Variants in UBR3 observed in about 807,000 individuals in gnomAD.
UBR3 encodes the protein E3 ubiquitin-protein ligase UBR3.
Under a neutral mutation model 243.2 loss-of-function variants are expected in UBR3, and 85 were observed. The ratio of observed to expected loss-of-function variants is 0.35; its 90% confidence interval spans 0.29 to 0.42. The LOEUF is 0.42. Ranked by LOEUF, UBR3 falls within the 10% of genes least tolerant of loss-of-function variation. The pLI is 1.00. For missense variants in UBR3, 1,686 were observed against 2,300.8 expected (o/e 0.73, Z 5.47); for synonymous variants, 748 against 799.8 (o/e 0.94, Z 1.09).
chr2:170,079,250 T>A (rs769964474), intron 36 of UBR3, among the ~76,000 whole-genome samples: 6 of 152,156 alleles, frequency 3.9e-5, no homozygotes, highest in Non-Finnish European at 8.8e-5. Context: ...AGCAAGACAT[T>A]TATGAAAAGA....
Position 169,970,235 on chromosome 2 carries a change from GTT to G in UBR3, c.3634+11727_3634+11728del, listed in dbSNP as rs531832498. Among the ~76,000 whole-genome samples the G allele has an allele frequency of 7.9e-3, 679 of 85,566 alleles. 5 individuals are homozygous for G. Among genetic ancestry groups the G allele is most frequent in the African/African-American group, 0.03 (631 of 20,926 alleles). 56.1% of individuals were successfully genotyped at this position (85,566 alleles called of 152,430 possible). On this transcript the variant is annotated intron_variant, in intron 24 of 38. Transcript: ENST00000272793. ...CCTCCTTGGTTAAACTTGTTCCTAG[GTT>G]TTTTTTTTTTTTTTTTTGTAGCTGT... is the stretch of plus-strand genomic sequence containing the variant.
chr2:170,025,051 A>G (rs950861058), intron 30 of UBR3, among the ~76,000 whole-genome samples: 5 of 152,118 alleles, frequency 3.3e-5, no homozygotes, highest in African/African-American at 1.2e-4. Context: ...AGAAAGGGAA[A>G]AGTAGAAAAC....
chr2:170,071,788 G>T (rs914285713), intron 35 of UBR3, among the ~76,000 whole-genome samples: 1 of 152,100 alleles, frequency 6.6e-6, no homozygotes, highest in Non-Finnish European at 1.5e-5. Context: ...TGCATAATTA[G>T]TTTTGCAGAC....
In UBR3 at chr2:169,950,055, AAAG is replaced by A; in HGVS notation, c.3541_3543del (p.Glu1181del). On this transcript the variant is annotated inframe_deletion, in exon 23 of 39. Coordinates refer to ENST00000272793, the MANE Select transcript of UBR3 (RefSeq NM_172070.4). The stretch of plus-strand genomic sequence containing the variant: ...TGCAGCAGAGAAGAAAACATTGGAC[AAAG>A]AAGAAAGGTAATTTTTATTTTTAAT... The A allele has an allele frequency of 6.5e-7, 1 of 1,549,032 alleles. No individual in the cohort carries two copies. The highest frequency in any genetic ancestry group is 8.7e-7 in the Non-Finnish European group (1 of 1,152,410).
At chr2:170,001,261 C>T in intron 26 of UBR3, 43 bp from the exon 27 acceptor site, 3 of 1,376,884 alleles carry the variant, frequency 2.2e-6, no homozygotes, top group Non-Finnish European at 3.1e-6. Flanking sequence ...TATGTTTGTA[C>T]TTCTTTAAAA....
intron 24 of UBR3, among the ~76,000 whole-genome samples, chr2:169,965,252 A>T (rs1024904540): frequency 1.1e-4 from 17 of 152,168 alleles, no homozygotes; most frequent in African/African-American, 4.1e-4. Context: ...AGTAGTATTA[A>T]TACTTGGCAG....
intron 24 of UBR3, among the ~76,000 whole-genome samples, chr2:169,970,427 A>C (rs1574310904): frequency 8.1e-6 from 1 of 124,200 alleles, no homozygotes; most frequent in African/African-American, 3.1e-5. Flanking sequence ...GCACCCACTA[A>C]CTCGTCATCT....
intron 35 of UBR3, among the ~76,000 whole-genome samples, chr2:170,069,352 A>T (rs1470497054): frequency 6.6e-6 from 1 of 152,126 alleles, no homozygotes; most frequent in African/African-American, 2.4e-5. Flanking sequence ...ATAGTATACA[A>T]TATGTAATGT....
intron 6 of UBR3, among the ~76,000 whole-genome samples, chr2:169,893,194 C>A (rs530251197): frequency 6.6e-6 from 1 of 152,240 alleles, no homozygotes; most frequent in South Asian, 2.1e-4. Context: ...TTTTGGTCTG[C>A]AGATAAAAAT....
chr2:170,072,545 A>C (rs998352521), intron 35 of UBR3, among the ~76,000 whole-genome samples: 1 of 152,222 alleles, frequency 6.6e-6, no homozygotes, highest in Admixed American at 6.5e-5. Flanking sequence ...CACATTGTGC[A>C]CATGTACCCT....
At chr2:170,009,824 TCTTC>T (rs1466338062) in intron 29 of UBR3, among the ~76,000 whole-genome samples, 2 of 152,150 alleles carry the variant, frequency 1.3e-5, no homozygotes, top group Non-Finnish European at 2.9e-5. Context: ...TCAATTGCTA[TCTTC>T]CTTTTTCCTC....
At chr2:169,850,821 G>A (rs367621096) in intron 1 of UBR3, among the ~76,000 whole-genome samples, 1 of 151,510 alleles carries the variant, frequency 6.6e-6, no homozygotes, top group Non-Finnish European at 1.5e-5. Flanking sequence ...TCCAGCCTGG[G>A]CGACAGAGAG....
chr2:170,061,701 C>G (rs531090159), intron 35 of UBR3, among the ~76,000 whole-genome samples: 1 of 152,294 alleles, frequency 6.6e-6, no homozygotes, highest in African/African-American at 2.4e-5. Flanking sequence ...CTCCTGACCT[C>G]AGGTGATCTA....
chr2:169,878,361 C>CAAA (rs34505529), intron 4 of UBR3, among the ~76,000 whole-genome samples, 164 bp from the exon 5 acceptor site: 2 of 118,626 alleles, frequency 1.7e-5, no homozygotes, highest in Admixed American at 8.4e-5. Flanking sequence ...AATCCCGTCT[C>CAAA]AAAAAAAAAA....
intron 24 of UBR3, among the ~76,000 whole-genome samples, chr2:169,968,934 G>C (rs1353452017): frequency 1.3e-5 from 2 of 152,110 alleles, no homozygotes; most frequent in Non-Finnish European, 1.5e-5. Flanking sequence ...TGTATTCCCA[G>C]AGGATTAATC....
intron 8 of UBR3, among the ~76,000 whole-genome samples, chr2:169,902,073 G>A (rs2084845514): frequency 6.6e-6 from 1 of 152,190 alleles, no homozygotes. Flanking sequence ...ATGTACATGA[G>A]CACATGAATG....
chr2:169,861,212 A>G (rs983791704), intron 1 of UBR3, among the ~76,000 whole-genome samples: 2 of 152,258 alleles, frequency 1.3e-5, no homozygotes, highest in African/African-American at 4.8e-5. Context: ...AGATACACCC[A>G]GGAACAATAC....
At chr2:169,847,223 G>C (rs1298089765) in intron 1 of UBR3, among the ~76,000 whole-genome samples, 3 of 151,468 alleles carry the variant, frequency 2.0e-5, no homozygotes, top group Non-Finnish European at 4.4e-5. Context: ...AACAATTATT[G>C]ATATAGTTAA....
intron 19 of UBR3, 97 bp from the exon 20 acceptor site, chr2:169,942,396 A>C: frequency 7.9e-7 from 1 of 1,269,608 alleles, no homozygotes; most frequent in East Asian, 2.5e-5. Context: ...GCACTGCATA[A>C]AATATTGTGA....
Sources: allele counts gnomAD v4.1 joint callset (sites outside exome capture counted in the v4.1 genomes callset), GRCh38; gene constraint gnomAD v4.1.1; transcripts MANE v1.5; gene names NCBI Gene and HGNC (gene_info 2026-07-23, HGNC 2026-07-21).